The following ZFR variants were observed in gnomAD, a reference collection of about 807,000 sequenced individuals.
ZFR encodes zinc finger RNA binding protein.
ZFR carries 19 observed loss-of-function variants against 130.7 expected under a neutral mutation model. The ratio of observed to expected loss-of-function variants is 0.15; its 90% CI spans 0.10 to 0.21. The LOEUF (loss-of-function observed/expected upper bound fraction) is 0.21. Among genes scored for constraint, ZFR ranks in the 10% least tolerant of loss-of-function variants. The pLI is 1.00. For synonymous variants in ZFR, 466 were observed against 456.9 expected (o/e 1.02, Z -0.25); for missense variants, 872 against 1,321.5 (o/e 0.66, Z 5.27).
intron 12 of ZFR, 122 bp from the exon 13 acceptor site, chr5:32,388,796 C>T: frequency 1.0e-6 from 1 of 977,656 alleles, no homozygotes; most frequent in Non-Finnish European, 1.5e-6. Flanking sequence ...TTCTTTTTTC[C>T]ATTTCAGTAA....
rs370531897 is a variant in ZFR at position 32,362,037 on chromosome 5, A to G, written c.3045+1911T>C. ...CTTGTTCTGCATGTGGTTTGTAGGT[A>G]CTTCTAAGGTCTGACAAGAAGAGAA... On this transcript the variant is annotated intron_variant, in intron 19 of 19. Coordinates refer to ENST00000265069, the MANE Select transcript of ZFR (RefSeq NM_016107.5). Among the ~76,000 whole-genome samples the G allele has an allele frequency of 3.3e-5, 5 of 152,300 alleles. No homozygotes were observed. The East Asian group carries it at 5.8e-4, about 18-fold the overall frequency.
chr5:32,434,773 C>T (rs1014058393), intron 2 of ZFR, among the ~76,000 whole-genome samples: 2 of 151,980 alleles, frequency 1.3e-5, no homozygotes, highest in African/African-American at 4.8e-5. Flanking sequence ...TTTCTTTGCT[C>T]TTTGGAAGGC....
intron 2 of ZFR, among the ~76,000 whole-genome samples, chr5:32,434,328 A>G (rs1305305732): frequency 2.6e-5 from 4 of 152,174 alleles, no homozygotes; most frequent in Non-Finnish European, 5.9e-5. Flanking sequence ...CAACATTATC[A>G]TTGGTCTAGA....
At chr5:32,405,393 T>C (rs556082675) in intron 6 of ZFR, among the ~76,000 whole-genome samples, 1 of 152,328 alleles carries the variant, frequency 6.6e-6, no homozygotes, top group South Asian at 2.1e-4. Flanking sequence ...ATGATATTTT[T>C]CGCTAAGGCT....
At chr5:32,419,391 G>A (rs1581708996) in intron 3 of ZFR, among the ~76,000 whole-genome samples, 2 of 152,170 alleles carry the variant, frequency 1.3e-5, no homozygotes, top group East Asian at 1.9e-4. Flanking sequence ...AGGCTGGAAT[G>A]CAATGGCATA....
intron 2 of ZFR, among the ~76,000 whole-genome samples, chr5:32,423,589 G>A (rs1754002705): frequency 1.3e-5 from 2 of 151,918 alleles, no homozygotes. Context: ...CAAAAGAAAG[G>A]ATAAGTCTAG....
At chr5:32,444,051 CGGGCAAGGCG>C (rs1365984841) in intron 2 of ZFR, among the ~76,000 whole-genome samples, 168 bp downstream of exon 2, 3 of 128,706 alleles carry the variant, frequency 2.3e-5, no homozygotes, top group Non-Finnish European at 5.0e-5. Flanking sequence ...CGGGCCGGGC[CGGGCAAGGCG>C]GGGCGGGGCG....
chr5:32,424,429 GT>G (rs990616661), intron 2 of ZFR, among the ~76,000 whole-genome samples: 10 of 152,076 alleles, frequency 6.6e-5, no homozygotes, highest in Admixed American at 1.3e-4. Flanking sequence ...TACTCGGGAG[GT>G]TGAGTCAGGA....
intron 10 of ZFR, among the ~76,000 whole-genome samples, chr5:32,396,724 A>T (rs1331100712): frequency 6.6e-6 from 1 of 152,136 alleles, no homozygotes. Context: ...AGCCTTGGCT[A>T]CAGAGCGAGA....
chr5:32,432,057 G>A (rs142048314), intron 2 of ZFR, among the ~76,000 whole-genome samples: 4 of 151,048 alleles, frequency 2.6e-5, no homozygotes, highest in African/African-American at 9.7e-5. Context: ...AGTGGTATAA[G>A]CGTGGCTCAC....
chr5:32,375,635 T>C (rs1450639720), intron 17 of ZFR, among the ~76,000 whole-genome samples: 1 of 151,946 alleles, frequency 6.6e-6, no homozygotes, highest in African/African-American at 2.4e-5. Context: ...GTCTCTCCAG[T>C]AGCTGAAACC....
chr5:32,439,804 T>TAAAAAA lies in ZFR; in HGVS notation c.137+4419_137+4424dup, dbSNP rs11446399. ...GGGTGAGAGAGCGAGACCATGTCTT[T>TAAAAAA]AAAAAAAAAAAAAAAAAAAAAAAAG... is the stretch of plus-strand genomic sequence containing the variant. On this transcript the variant is annotated intron_variant, in intron 2 of 19. Transcript: ENST00000265069. Among the ~76,000 whole-genome samples, 61 of 72,440 alleles carry TAAAAAA rather than the reference T, an allele frequency of 8.4e-4. 1 individual carries two copies. Among genetic ancestry groups the TAAAAAA allele is most frequent in the South Asian group, 4.9e-3 (7 of 1,434 alleles). The allele number at this position is 72,440 out of a possible 152,430, so 47.5% of individuals were successfully genotyped here.
At chr5:32,423,753 T>C (rs541615057) in intron 2 of ZFR, among the ~76,000 whole-genome samples, 152 of 151,936 alleles carry the variant, frequency 1.0e-3, no homozygotes, top group Middle Eastern at 3.4e-3. Context: ...CCTAGAGACA[T>C]AGCATTTTAC....
chr5:32,407,442 G>T (rs1411814380), intron 5 of ZFR, among the ~76,000 whole-genome samples: 1 of 150,764 alleles, frequency 6.6e-6, no homozygotes, highest in Non-Finnish European at 1.5e-5. Context: ...AAAAACTCAT[G>T]AAAGTAAGAT....
chr5:32,405,407 T>C (rs1174804968), intron 6 of ZFR, among the ~76,000 whole-genome samples: 12 of 152,200 alleles, frequency 7.9e-5, no homozygotes, highest in Admixed American at 5.9e-4. Context: ...TAAGGCTCAT[T>C]AACCACCCCC....
intron 2 of ZFR, among the ~76,000 whole-genome samples, chr5:32,433,376 G>T (rs1172508945): frequency 6.6e-6 from 1 of 152,110 alleles, no homozygotes; most frequent in African/African-American, 2.4e-5. Context: ...TGACTTCAAA[G>T]GTATATGGAC....
At chr5:32,373,309 C>T (rs921806338) in intron 17 of ZFR, among the ~76,000 whole-genome samples, 9 of 152,108 alleles carry the variant, frequency 5.9e-5, no homozygotes, top group African/African-American at 2.2e-4. Context: ...AGGAGAATTG[C>T]TTGAACCTGG....
chr5:32,404,686 T>G (rs1437520745), intron 6 of ZFR, among the ~76,000 whole-genome samples: 1 of 152,238 alleles, frequency 6.6e-6, no homozygotes, highest in African/African-American at 2.4e-5. Flanking sequence ...TATAGTTACA[T>G]TAGCCAATAA....
chr5:32,434,127 A>G lies in ZFR; in HGVS notation c.137+10102T>C, dbSNP rs530117730. Among the ~76,000 whole-genome samples, 221 of 152,354 alleles carry G rather than the reference A, an allele frequency of 1.5e-3. 1 individual carries two copies. The highest frequency in any genetic ancestry group is 0.01 in the Middle Eastern group (3 of 294). On this transcript the variant is annotated intron_variant, in intron 2 of 19. Coordinates refer to ENST00000265069, the MANE Select transcript of ZFR (RefSeq NM_016107.5). ...CCAAGTATCTGCTTAGCAAAATAGG[A>G]TATTCTGGTTCTCCTCACAGAATAT...
Sources: gnomAD v4.1 joint callset for allele counts (sites outside exome capture counted in the v4.1 genomes callset) on GRCh38, gnomAD v4.1.1 for gene constraint, MANE v1.5 for transcripts, NCBI Gene and HGNC (gene_info 2026-07-23, HGNC 2026-07-21) for gene names.